SNTG1: variants seen among roughly 807,000 people sequenced by gnomAD.
SNTG1 encodes syntrophin gamma 1.
Under a neutral mutation model 74.7 loss-of-function variants are expected in SNTG1, and 39 were observed. The ratio of observed to expected loss-of-function variants is 0.52; its 90% CI spans 0.40 to 0.68. The LOEUF is 0.68. Ranked by LOEUF, SNTG1 falls within the 30% of genes least tolerant of loss-of-function variation. The pLI is 0.00. For synonymous variants in SNTG1, 254 were observed against 217.1 expected (o/e 1.17, Z -1.49); for missense variants, 685 against 609.5 (o/e 1.12, Z -1.30).
intron 2 of SNTG1, among the ~76,000 whole-genome samples, chr8:50,317,669 T>C (rs564583260): frequency 1.3e-5 from 2 of 152,314 alleles, no homozygotes; most frequent in Admixed American, 6.5e-5. Context: ...ATGTCTTCTC[T>C]GGAAAAGAGC....
At chr8:50,091,960 C>T (rs1198386773) in intron 1 of SNTG1, among the ~76,000 whole-genome samples, 1 of 152,078 alleles carries the variant, frequency 6.6e-6, no homozygotes, top group African/African-American at 2.4e-5. Context: ...TAAAATCTGT[C>T]ACCTGGGAAC....
intron 2 of SNTG1, among the ~76,000 whole-genome samples, chr8:50,255,556 C>T (rs530930282): frequency 6.6e-6 from 1 of 152,286 alleles, no homozygotes; most frequent in Admixed American, 6.5e-5. Context: ...CAAGAATCTG[C>T]TCTGTGCCCC....
intron 15 of SNTG1, among the ~76,000 whole-genome samples, chr8:50,660,206 GA>G (rs2095211352): frequency 7.0e-6 from 1 of 143,206 alleles, no homozygotes; most frequent in South Asian, 2.2e-4. Flanking sequence ...GAAAAGAAAA[GA>G]AGGAAAAGAA....
At chr8:49,979,633 C>T (rs773427602) in intron 1 of SNTG1, among the ~76,000 whole-genome samples, 24 of 152,134 alleles carry the variant, frequency 1.6e-4, no homozygotes, top group Non-Finnish European at 2.8e-4. Flanking sequence ...CTTGTCGTCG[C>T]GCTCTAGGGC....
At chr8:50,738,895 C>A (rs1242824667) in intron 17 of SNTG1, among the ~76,000 whole-genome samples, 1 of 151,932 alleles carries the variant, frequency 6.6e-6, no homozygotes, top group African/African-American at 2.4e-5. Flanking sequence ...CTTTTTACAC[C>A]TTATACAAAA....
At chr8:50,083,035 T>A (rs1403188567) in intron 1 of SNTG1, among the ~76,000 whole-genome samples, 1 of 152,198 alleles carries the variant, frequency 6.6e-6, no homozygotes, top group Non-Finnish European at 1.5e-5. Context: ...ACAATAGGTG[T>A]AAAGCTGCTG....
intron 2 of SNTG1, among the ~76,000 whole-genome samples, chr8:50,335,377 C>A (rs2091107029): frequency 6.6e-6 from 1 of 152,188 alleles, no homozygotes; most frequent in Admixed American, 6.5e-5. Flanking sequence ...GTCAGCAGAG[C>A]ACTGTTTCCT....
chr8:50,032,839 A>T (rs1423683536), intron 1 of SNTG1, among the ~76,000 whole-genome samples: 4 of 152,168 alleles, frequency 2.6e-5, no homozygotes, highest in Admixed American at 2.0e-4. Context: ...GAACCATCAA[A>T]TTAGCCAATT....
At chr8:50,364,631 T>A (rs990031097) in intron 2 of SNTG1, among the ~76,000 whole-genome samples, 1 of 152,150 alleles carries the variant, frequency 6.6e-6, no homozygotes, top group Non-Finnish European at 1.5e-5. Flanking sequence ...CCTCTCATTA[T>A]TATATTGGCT....
At chr8:50,143,397 G>T (rs1188754152) in intron 1 of SNTG1, among the ~76,000 whole-genome samples, 1 of 152,160 alleles carries the variant, frequency 6.6e-6, no homozygotes, top group Non-Finnish European at 1.5e-5. Flanking sequence ...AATGGAAATG[G>T]GGAATACAAT....
intron 2 of SNTG1, among the ~76,000 whole-genome samples, chr8:50,210,260 C>T (rs1422994360): frequency 6.6e-6 from 1 of 152,082 alleles, no homozygotes. Context: ...GATTGATGTA[C>T]CTGAAAGTAA....
chr8:50,512,410 C>T (rs1008284764), intron 9 of SNTG1, among the ~76,000 whole-genome samples: 11 of 151,988 alleles, frequency 7.2e-5, no homozygotes, highest in East Asian at 1.9e-4. Context: ...TTGCTCTTCT[C>T]GAGGAGTATC....
intron 17 of SNTG1, among the ~76,000 whole-genome samples, chr8:50,741,416 C>G (rs912859531): frequency 3.3e-5 from 5 of 152,030 alleles, no homozygotes; most frequent in African/African-American, 9.7e-5. Context: ...GCCACTGCAC[C>G]TGACCAAGTA....
chr8:50,048,369 T>A lies in SNTG1; in HGVS notation c.-102-124192T>A, dbSNP rs532445924. Among the ~76,000 whole-genome samples, 17 of 152,294 alleles carry A rather than the reference T, an allele frequency of 1.1e-4. No individual in the cohort carries two copies. The South Asian group carries it at 2.7e-3, about 24-fold the overall frequency. On this transcript the variant is annotated intron_variant, in intron 1 of 18. Coordinates refer to ENST00000642720, the MANE Select transcript of SNTG1 (RefSeq NM_018967.5). ...ATGAAATAAGAAATCTGACAACTTGTCTTTACATTTACTGCTGCTAGCCCT... is the reference window on the plus strand; with the variant it reads ...ATGAAATAAGAAATCTGACAACTTGACTTTACATTTACTGCTGCTAGCCCT...
chr8:50,506,171 T>G (rs112505814), intron 9 of SNTG1, among the ~76,000 whole-genome samples: 1 of 152,186 alleles, frequency 6.6e-6, no homozygotes, highest in African/African-American at 2.4e-5. Flanking sequence ...ATATTGAGGG[T>G]TAATTTTGGG....
chr8:50,758,096 G>T (rs1023793979), intron 18 of SNTG1, among the ~76,000 whole-genome samples: 1 of 151,552 alleles, frequency 6.6e-6, no homozygotes, highest in Non-Finnish European at 1.5e-5. Flanking sequence ...CATTTCATTT[G>T]TTTCTCTTTT....
chr8:50,650,444 T>C (rs2095137967), intron 13 of SNTG1, among the ~76,000 whole-genome samples: 1 of 152,136 alleles, frequency 6.6e-6, no homozygotes, highest in African/African-American at 2.4e-5. Context: ...TGTAAAGTTA[T>C]GGCTGGTCCA....
At position 50,794,730 on chromosome 8, in the gene SNTG1, T is replaced by A. The variant is rs573053173; in HGVS notation, c.*1901T>A. The A allele has an allele frequency of 2.6e-5, 4 of 152,094 alleles. No individual in the cohort carries two copies. Among genetic ancestry groups the A allele is most frequent in the African/African-American group, 4.8e-5 (2 of 41,550 alleles). 9.4% of individuals were successfully genotyped at this position (152,094 alleles called of 1,614,324 possible). On this transcript the variant is annotated 3_prime_UTR_variant, in exon 19 of 19. Coordinates refer to ENST00000642720, the MANE Select transcript of SNTG1 (RefSeq NM_018967.5). Reference sequence around the variant, plus strand: ...ACTTCTGCTTCCAACCAGAGCTGAATCTCAGTGTGCCCCATATTGGGGTTA... The same window carrying A: ...ACTTCTGCTTCCAACCAGAGCTGAAACTCAGTGTGCCCCATATTGGGGTTA...
intron 1 of SNTG1, among the ~76,000 whole-genome samples, chr8:49,970,256 A>G (rs1290198220): frequency 6.6e-6 from 1 of 152,164 alleles, no homozygotes; most frequent in Non-Finnish European, 1.5e-5. Flanking sequence ...TTCAGCACCA[A>G]CAAACAGCTT....
Sources: gnomAD v4.1 joint callset for allele counts (sites outside exome capture counted in the v4.1 genomes callset) on GRCh38, gnomAD v4.1.1 for gene constraint, MANE v1.5 for transcripts, NCBI Gene and HGNC (gene_info 2026-07-23, HGNC 2026-07-21) for gene names.